Variants in TBC1D14 observed in about 807,000 individuals in gnomAD.
TBC1D14 encodes the protein TBC1 domain family member 14.
A neutral mutation model predicts 79.0 loss-of-function variants in TBC1D14; 26 were observed. The ratio of observed to expected loss-of-function variants is 0.33; its 90% CI spans 0.24 to 0.46. The LOEUF (loss-of-function observed/expected upper bound fraction) is 0.46, where lower values mean the gene tolerates loss of function less well. TBC1D14 is among the 20% of genes least tolerant of loss of function. The probability of loss-of-function intolerance (pLI) is 1.00; values close to 1 mark genes in which losing one functional copy is unlikely to be tolerated. For synonymous variants in TBC1D14, 394 were observed against 349.9 expected (o/e 1.13, Z -1.40); for missense variants, 769 against 887.6 (o/e 0.87, Z 1.70).
At chr4:6,948,886 G>A (rs1713743070) in intron 2 of TBC1D14, among the ~76,000 whole-genome samples, 1 of 151,794 alleles carries the variant, frequency 6.6e-6, no homozygotes, top group Admixed American at 6.6e-5. Context: ...TTTTAGTAGA[G>A]ATGGGGTTTC....
intron 6 of TBC1D14, among the ~76,000 whole-genome samples, chr4:7,000,904 C>T (rs1403112365): frequency 1.3e-5 from 2 of 152,182 alleles, no homozygotes; most frequent in Admixed American, 1.3e-4. Flanking sequence ...CGTGCCTGGG[C>T]CTCTGGTTCG....
chr4:6,976,435 G>A (rs575858921), intron 3 of TBC1D14, among the ~76,000 whole-genome samples: 4 of 152,174 alleles, frequency 2.6e-5, no homozygotes, highest in Non-Finnish European at 4.4e-5. Context: ...AACCAGAGAA[G>A]AACAATGTCA....
chr4:7,001,287 C>G (rs771221864), intron 7 of TBC1D14, 36 bp downstream of exon 7: 1 of 1,565,546 alleles, frequency 6.4e-7, no homozygotes, highest in African/African-American at 1.4e-5. Context: ...AGTCCACCTC[C>G]AGGCCCTTTG....
intron 1 of TBC1D14, among the ~76,000 whole-genome samples, chr4:6,913,962 A>AAACAAC (rs888068223): frequency 6.6e-6 from 1 of 151,798 alleles, no homozygotes; most frequent in Non-Finnish European, 1.5e-5. Context: ...AACCCTACCA[A>AAACAAC]AACAACAACA....
At chr4:6,920,945 A>T (rs1383883334) in intron 1 of TBC1D14, among the ~76,000 whole-genome samples, 1 of 152,022 alleles carries the variant, frequency 6.6e-6, no homozygotes, top group Non-Finnish European at 1.5e-5. Flanking sequence ...CGTGCAGCTA[A>T]TTTTTTGTAT....
chr4:6,994,084 T>G (rs1718770220), intron 3 of TBC1D14, 100 bp from the exon 4 acceptor site: 3 of 1,033,560 alleles, frequency 2.9e-6, no homozygotes, highest in Admixed American at 1.9e-5. Context: ...TCCTCGAAAT[T>G]GGCTTAAAAG....
intron 2 of TBC1D14, among the ~76,000 whole-genome samples, chr4:6,940,436 G>A (rs1181322276): frequency 6.6e-6 from 1 of 152,170 alleles, no homozygotes; most frequent in Non-Finnish European, 1.5e-5. Context: ...CGCCCTCAGG[G>A]CTCCGGGGAA....
intron 4 of TBC1D14, among the ~76,000 whole-genome samples, chr4:6,994,511 G>A (rs1485572049): frequency 6.6e-6 from 1 of 152,132 alleles, no homozygotes; most frequent in African/African-American, 2.4e-5. Context: ...GTTTTGACCA[G>A]GATTTTCCGT....
chr4:6,923,569 C>T lies in TBC1D14; in HGVS notation c.180C>T (p.Ser60=). Residue 60 remains serine (S), a synonymous_variant, in exon 2 of 14, where the codon AGC becomes AGT. Transcript: ENST00000409757. ...TCAGGGCTTTAGAAGACCGGCACAGCCTCCAGTCCGTGGACTCGGGGATTC... is the reference window on the plus strand; with the variant it reads ...TCAGGGCTTTAGAAGACCGGCACAGTCTCCAGTCCGTGGACTCGGGGATTC... ...LKLRALEDRH[S]LQSVDSGIPT... is the part of the protein sequence containing the mutation. The T allele has an allele frequency of 2.5e-6, 4 of 1,614,160 alleles. No individual in the cohort carries two copies. Among genetic ancestry groups the T allele is most frequent in the Non-Finnish European group, 3.4e-6 (4 of 1,180,024 alleles).
chr4:6,951,358 C>G (rs1714024814), intron 2 of TBC1D14, among the ~76,000 whole-genome samples: 1 of 152,038 alleles, frequency 6.6e-6, no homozygotes, highest in African/African-American at 2.4e-5. Flanking sequence ...TCAAAAAAGT[C>G]CATTTTATTG....
At chr4:6,954,221 T>A (rs1449520208) in intron 2 of TBC1D14, 5 of 710,660 alleles carry the variant, frequency 7.0e-6, no homozygotes, top group African/African-American at 1.8e-5. Context: ...GGACTGTGGC[T>A]CTGGCGTGCC....
Position 7,014,334 on chromosome 4 carries a change from G to A in TBC1D14, c.1648-114G>A, listed in dbSNP as rs550243257. 6.7e-5 allele frequency: 44 copies of A among 658,024 alleles called. 1 individual carries two copies. The Admixed American group carries it at 6.9e-4, about 10-fold the overall frequency. The allele number at this position is 658,024 out of a possible 1,614,324, so 40.8% of individuals were successfully genotyped here. ...ATAAGTTGCCATTCAAAGTGTATTA[G>A]TAATTACAGAAGAAGGTAATTGTTA... On this transcript the variant is annotated intron_variant, in intron 11 of 13. Transcript: ENST00000409757.
intron 2 of TBC1D14, among the ~76,000 whole-genome samples, chr4:6,958,374 T>TACACACACACACAC (rs529020444): frequency 4.1e-3 from 172 of 42,290 alleles, no homozygotes; most frequent in African/African-American, 0.018. Context: ...GATCCCCACA[T>TACACACACACACAC]ATACACACAC....
chr4:7,014,348 A>C, intron 11 of TBC1D14, 100 bp from the exon 12 acceptor site: 1 of 701,656 alleles, frequency 1.4e-6, no homozygotes, highest in Non-Finnish European at 2.5e-6. Context: ...TTACAGAAGA[A>C]GGTAATTGTT....
At chr4:6,980,720 CT>C (rs530654410) in intron 3 of TBC1D14, among the ~76,000 whole-genome samples, 163 of 145,002 alleles carry the variant, frequency 1.1e-3, no homozygotes, top group Non-Finnish European at 1.1e-3. Flanking sequence ...AATAACTTGT[CT>C]TTTTTTTTTT....
At chr4:6,958,072 C>T (rs1238471507) in intron 2 of TBC1D14, among the ~76,000 whole-genome samples, 1 of 152,008 alleles carries the variant, frequency 6.6e-6, no homozygotes, top group Non-Finnish European at 1.5e-5. Context: ...CCAGGCTCAT[C>T]CTGCTCCCAG....
At chr4:6,945,511 G>C (rs945503975) in intron 2 of TBC1D14, among the ~76,000 whole-genome samples, 4 of 152,164 alleles carry the variant, frequency 2.6e-5, no homozygotes, top group African/African-American at 9.7e-5. Context: ...CACTTTGGGA[G>C]GCTGAGGTGG....
At chr4:7,026,383 C>G (rs1409957753) in intron 13 of TBC1D14, among the ~76,000 whole-genome samples, 1 of 152,144 alleles carries the variant, frequency 6.6e-6, no homozygotes, top group Non-Finnish European at 1.5e-5. Flanking sequence ...AACGTAACTG[C>G]AATACCGTTA....
intron 5 of TBC1D14, among the ~76,000 whole-genome samples, chr4:6,996,724 C>T (rs776762629): frequency 8.5e-5 from 13 of 152,146 alleles, no homozygotes; most frequent in South Asian, 8.3e-4. Context: ...AGGGCTGTCC[C>T]GGGCGGGCTG....
Sources: allele counts gnomAD v4.1 joint callset (sites outside exome capture counted in the v4.1 genomes callset), GRCh38; gene constraint gnomAD v4.1.1; transcripts MANE v1.5; gene names NCBI Gene and HGNC (gene_info 2026-07-23, HGNC 2026-07-21).